The following MICU3 variants were observed in gnomAD, a reference collection of about 807,000 sequenced individuals.
MICU3 encodes the protein calcium uptake protein 3, mitochondrial.
MICU3 carries 62 observed loss-of-function variants against 66.5 expected under a neutral mutation model. The observed-to-expected ratio is 0.93, with a 90% CI of 0.76 to 1.15. The LOEUF (loss-of-function observed/expected upper bound fraction) is 1.15, where lower values mean the gene tolerates loss of function less well. MICU3 is among the 50% of genes most tolerant of loss of function. MICU3 has a pLI of 0.00. For missense variants in MICU3, 779 were observed against 664.4 expected, an observed-to-expected ratio of 1.17 and a Z score of -1.90; for synonymous variants, 308 against 240.7, an observed-to-expected ratio of 1.28 and a Z score of -2.59.
rs1277852432 is a variant in MICU3 at position 17,114,206 on chromosome 8, G to A, written c.1366+5G>A. The A allele has an allele frequency of 6.5e-7, 1 of 1,539,294 alleles. No homozygotes were observed. The highest frequency in any genetic ancestry group is 8.9e-7 in the Non-Finnish European group (1 of 1,123,098). ...CAAGTCGTTCTATAGGGCAAGGTAA[G>A]TAATCATCTACAAAAATTAAAAGCA... is the stretch of plus-strand genomic sequence containing the variant. On this transcript the variant is annotated splice_donor_5th_base_variant and intron_variant, in intron 12 of 14. Coordinates refer to ENST00000318063, the MANE Select transcript of MICU3 (RefSeq NM_181723.3).
intron 11 of MICU3, among the ~76,000 whole-genome samples, chr8:17,106,087 A>G (rs936572449): frequency 2.7e-4 from 41 of 152,060 alleles, no homozygotes; most frequent in African/African-American, 2.2e-4. Context: ...CTGATTGCCT[A>G]TTTGTTTAGT....
intron 1 of MICU3, among the ~76,000 whole-genome samples, chr8:17,048,590 ATCT>A (rs1301289321): frequency 6.6e-6 from 1 of 152,174 alleles, no homozygotes; most frequent in Non-Finnish European, 1.5e-5. Flanking sequence ...TTTGAATTGA[ATCT>A]TCTTCACAAC....
Position 17,081,829 on chromosome 8 carries a change from A to C in MICU3, c.694+89A>C. On this transcript the variant is annotated intron_variant, in intron 5 of 14. Coordinates refer to ENST00000318063, the MANE Select transcript of MICU3 (RefSeq NM_181723.3). ...CAGATCTTAGGTTCTCTTACTCTTG[A>C]AAATCAATATCCATGCTGTTCTGCA... 3 of 643,348 alleles carry C rather than the reference A, an allele frequency of 4.7e-6. No individual in the cohort carries two copies. The South Asian group carries it at 4.8e-5, about 10-fold the overall frequency. The allele number at this position is 643,348 out of a possible 1,614,324, so 39.9% of individuals were successfully genotyped here. A position where few individuals can be genotyped will look rare whatever the true frequency, so the allele number is the denominator to read the frequency against.
At chr8:17,063,433 C>A (rs1490661441) in intron 1 of MICU3, among the ~76,000 whole-genome samples, 2 of 151,684 alleles carry the variant, frequency 1.3e-5, no homozygotes, top group Admixed American at 6.6e-5. Context: ...GAAAATAAAT[C>A]CTTTTATTAA....
chr8:17,110,216 G>C (rs77467206), intron 11 of MICU3, among the ~76,000 whole-genome samples: 10,958 of 152,134 alleles, frequency 0.072, 591 homozygotes, highest in East Asian at 0.24. Flanking sequence ...GATTTTTTGA[G>C]TTAGTCTTTT....
chr8:17,109,317 T>A (rs1209504469), intron 11 of MICU3, among the ~76,000 whole-genome samples: 1 of 152,170 alleles, frequency 6.6e-6, no homozygotes, highest in Non-Finnish European at 1.5e-5. Flanking sequence ...GAAGCTTTTT[T>A]GTTTTATGAA....
chr8:17,129,760 T>G, the MICU3 span, among the ~76,000 whole-genome samples: 1 of 152,056 alleles, frequency 6.6e-6, no homozygotes, highest in Non-Finnish European at 1.5e-5. Flanking sequence ...CCAAAATTCT[T>G]CCCAAATTTG....
intron 3 of MICU3, 37 bp from the exon 4 acceptor site, chr8:17,077,746 G>T: frequency 1.4e-6 from 2 of 1,403,262 alleles, no homozygotes; most frequent in Non-Finnish European, 2.0e-6. Context: ...TTAGTAAGTT[G>T]TTTACCAATT....
chr8:17,115,974 C>A (rs1165018890), intron 12 of MICU3, among the ~76,000 whole-genome samples: 1 of 152,182 alleles, frequency 6.6e-6, no homozygotes, highest in Admixed American at 6.5e-5. Context: ...AAGACAAAAT[C>A]ACATCCTTTT....
At chr8:17,104,240 T>G (rs1801529334) in intron 9 of MICU3, 151 bp from the exon 10 acceptor site, 1 of 394,208 alleles carries the variant, frequency 2.5e-6, no homozygotes, top group South Asian at 1.3e-4. Context: ...TAATTGCATG[T>G]ATTAATATGC....
intron 1 of MICU3, among the ~76,000 whole-genome samples, chr8:17,032,348 A>G (rs548311950): frequency 1.3e-5 from 2 of 152,328 alleles, no homozygotes; most frequent in Admixed American, 6.5e-5. Context: ...TATTAGTGGG[A>G]AAAAATTTTG....
intron 7 of MICU3, 36 bp from the exon 8 acceptor site, chr8:17,090,510 A>G (rs753470740): frequency 1.0e-5 from 16 of 1,591,858 alleles, no homozygotes; most frequent in African/African-American, 1.4e-5. Flanking sequence ...ATTCTGAAAT[A>G]TGACACTTCA....
chr8:17,045,039 G>A (rs1465400678), intron 1 of MICU3, among the ~76,000 whole-genome samples: 3 of 151,924 alleles, frequency 2.0e-5, no homozygotes, highest in South Asian at 4.2e-4. Flanking sequence ...TAAAAACCAG[G>A]GCTCTTTTTT....
At chr8:17,039,367 A>G (rs776704301) in intron 1 of MICU3, among the ~76,000 whole-genome samples, 3 of 152,340 alleles carry the variant, frequency 2.0e-5, no homozygotes, top group Non-Finnish European at 4.4e-5. Flanking sequence ...TAGTGAGGGA[A>G]GTTACATAGA....
intron 9 of MICU3, among the ~76,000 whole-genome samples, chr8:17,102,185 G>A (rs1801322074): frequency 6.6e-6 from 1 of 151,644 alleles, no homozygotes; most frequent in South Asian, 2.1e-4. Context: ...ATCTACTCTT[G>A]TCTCCTTTCC....
intron 1 of MICU3, among the ~76,000 whole-genome samples, chr8:17,039,967 G>T (rs1437948367): frequency 7.9e-6 from 1 of 126,986 alleles, no homozygotes; most frequent in Non-Finnish European, 1.6e-5. Flanking sequence ...AAGTAGAATG[G>T]CACGATCTCA....
rs35133600 is a variant in MICU3, at chr8:17,039,895, C to CTTTTTTTTT, written c.381+12256_381+12264dup. ...ATGAAGGTATCCATCATCTTGCATT[C>CTTTTTTTTT]TTTTTTTTTTTTTTTTTTTTTTTTT... On this transcript the variant is annotated intron_variant, in intron 1 of 14. Transcript: ENST00000318063. Among the ~76,000 whole-genome samples, 248 of 62,548 alleles carry CTTTTTTTTT rather than the reference C, an allele frequency of 4.0e-3. 41 individuals are homozygous for CTTTTTTTTT. Among genetic ancestry groups the CTTTTTTTTT allele is most frequent in the Middle Eastern group, 0.015 (1 of 66 alleles). The allele number at this position is 62,548 out of a possible 152,430, so 41.0% of individuals were successfully genotyped here.
intron 2 of MICU3, among the ~76,000 whole-genome samples, chr8:17,067,237 G>T (rs1450590773): frequency 6.6e-6 from 1 of 152,108 alleles, no homozygotes; most frequent in Non-Finnish European, 1.5e-5. Flanking sequence ...AATTTGACTT[G>T]TGTTTAAACC....
chr8:17,126,331 A>G (rs1335371974), downstream of MICU3, among the ~76,000 whole-genome samples: 1 of 152,082 alleles, frequency 6.6e-6, no homozygotes, highest in Non-Finnish European at 1.5e-5. Flanking sequence ...TGTTTCTGAG[A>G]TTTAAAAATT....
Sources: allele counts gnomAD v4.1 joint callset (sites outside exome capture counted in the v4.1 genomes callset), GRCh38; gene constraint gnomAD v4.1.1; transcripts MANE v1.5; gene names NCBI Gene and HGNC (gene_info 2026-07-23, HGNC 2026-07-21).